DPYD: variants seen among roughly 807,000 people sequenced by gnomAD.
DPYD encodes the protein dihydropyrimidine dehydrogenase [NADP(+)].
In DPYD, 109 loss-of-function variants were observed where a neutral mutation model predicts 116.2. That is an observed-to-expected ratio of 0.94 (90% CI 0.80 to 1.10). DPYD has a LOEUF of 1.10. Ranked by LOEUF, DPYD falls within the 50% of genes least tolerant of loss-of-function variation. The pLI is 0.00. For missense variants in DPYD, 1,302 were observed against 1,254.5 expected (o/e 1.04, Z -0.57); for synonymous variants, 440 against 432.0 (o/e 1.02, Z -0.23).
chr1:97,915,595 A>G (rs1436234613), intron 1 of DPYD, among the ~76,000 whole-genome samples: 1 of 152,236 alleles, frequency 6.6e-6, no homozygotes, highest in African/African-American at 2.4e-5. Context: ...ATGGAGGATT[A>G]TGAGCAAATG....
At chr1:97,360,940 GAA>G (rs2101419033) in intron 16 of DPYD, among the ~76,000 whole-genome samples, 1 of 152,196 alleles carries the variant, frequency 6.6e-6, no homozygotes, top group South Asian at 2.1e-4. Flanking sequence ...CAGAAGGCAA[GAA>G]ATAACTAAGA....
At chr1:97,143,885 C>T (rs186293220) in intron 20 of DPYD, among the ~76,000 whole-genome samples, 1,766 of 152,232 alleles carry the variant, frequency 0.012, 29 homozygotes, top group Non-Finnish European at 0.016. Flanking sequence ...ACATTTGTAA[C>T]GGCTGCTTTT....
chr1:97,344,281 A>G (rs1447055548), intron 16 of DPYD, among the ~76,000 whole-genome samples: 5 of 151,912 alleles, frequency 3.3e-5, no homozygotes, highest in Non-Finnish European at 7.4e-5. Context: ...CCAAATAAAT[A>G]TGGTTTATTT....
chr1:97,139,456 T>TTAGA (rs1654050984), intron 20 of DPYD, among the ~76,000 whole-genome samples: 1 of 152,062 alleles, frequency 6.6e-6, no homozygotes, highest in South Asian at 2.1e-4. Flanking sequence ...ACTCATAAGT[T>TTAGA]TAGATATGCA....
At chr1:97,852,532 A>G (rs1670626624) in intron 2 of DPYD, among the ~76,000 whole-genome samples, 1 of 152,180 alleles carries the variant, frequency 6.6e-6, no homozygotes, top group African/African-American at 2.4e-5. Context: ...TGTATTAATG[A>G]TGATGTTATC....
At chr1:97,136,343 C>T (rs1046529576) in intron 20 of DPYD, among the ~76,000 whole-genome samples, 1 of 152,132 alleles carries the variant, frequency 6.6e-6, no homozygotes, top group Non-Finnish European at 1.5e-5. Flanking sequence ...CGCAATCACC[C>T]TATGAGGTCA....
At chr1:97,323,752 AAAACAAATCCAC>A (rs1162866180) in intron 16 of DPYD, among the ~76,000 whole-genome samples, 4 of 149,400 alleles carry the variant, frequency 2.7e-5, no homozygotes, top group Non-Finnish European at 5.9e-5. Flanking sequence ...AATATATTTA[AAAACAAATCCAC>A]AGAGAACAAC....
At chr1:97,747,090 T>C (rs536911449) in intron 3 of DPYD, among the ~76,000 whole-genome samples, 1 of 152,212 alleles carries the variant, frequency 6.6e-6, no homozygotes, top group Non-Finnish European at 1.5e-5. Flanking sequence ...CATAAGATCA[T>C]GGTTTATAAA....
chr1:97,422,342 T>C (rs948701627), intron 14 of DPYD, among the ~76,000 whole-genome samples: 1 of 152,056 alleles, frequency 6.6e-6, no homozygotes, highest in Non-Finnish European at 1.5e-5. Context: ...CAAGGGACCA[T>C]GGAAATGACT....
chr1:97,086,756 A>T (rs201726362), intron 21 of DPYD, among the ~76,000 whole-genome samples: 4 of 20 alleles, frequency 0.2, no homozygotes, highest in African/African-American at 0.29. Context: ...ATTGTAAAAT[A>T]AAAAAAAAAT....
intron 13 of DPYD, among the ~76,000 whole-genome samples, chr1:97,510,221 C>T (rs1647678787): frequency 6.6e-6 from 1 of 151,910 alleles, no homozygotes; most frequent in South Asian, 2.1e-4. Flanking sequence ...GACATCCTTA[C>T]CAAGGAGCAT....
rs761789518 is a variant in DPYD, at chr1:97,450,261, A to C, written c.1741-38T>G. On this transcript the variant is annotated intron_variant, in intron 13 of 22. Coordinates refer to ENST00000370192, the MANE Select transcript of DPYD (RefSeq NM_000110.4). Reference sequence around the variant, plus strand: ...TAAAGATATTGAGTCTCCTTTTGACAAAGAAAAGCTATAATCTTTATTATC... The same window carrying C: ...TAAAGATATTGAGTCTCCTTTTGACCAAGAAAAGCTATAATCTTTATTATC... 4 of 1,608,784 alleles carry C rather than the reference A, an allele frequency of 2.5e-6. No individual in the cohort carries two copies. The East Asian group carries it at 8.9e-5, about 36-fold the overall frequency.
chr1:97,634,478 GAAGAA>G (rs1194381965), intron 8 of DPYD, among the ~76,000 whole-genome samples: 1 of 152,030 alleles, frequency 6.6e-6, no homozygotes, highest in East Asian at 1.9e-4. Context: ...CAACAGATTT[GAAGAA>G]AATAACTAAT....
intron 2 of DPYD, among the ~76,000 whole-genome samples, chr1:97,863,857 C>T (rs142517658): frequency 3.5e-4 from 53 of 151,998 alleles, no homozygotes; most frequent in African/African-American, 1.2e-3. Context: ...CTTAATAAAG[C>T]ATGAAGGTGA....
intron 19 of DPYD, among the ~76,000 whole-genome samples, chr1:97,211,511 T>C (rs1331769812): frequency 6.6e-6 from 1 of 152,188 alleles, no homozygotes; most frequent in African/African-American, 2.4e-5. Flanking sequence ...CACTGTTTGA[T>C]AATATGAACC....
At chr1:97,562,285 T>C (rs1335107418) in intron 11 of DPYD, among the ~76,000 whole-genome samples, 7 of 152,314 alleles carry the variant, frequency 4.6e-5, no homozygotes, top group South Asian at 2.1e-4. Context: ...TAAAGTTCAT[T>C]TGGCATCAGT....
chr1:97,171,217 A>G (rs1656702261), intron 20 of DPYD, among the ~76,000 whole-genome samples: 1 of 152,180 alleles, frequency 6.6e-6, no homozygotes, highest in Admixed American at 6.5e-5. Flanking sequence ...CACGATGGCA[A>G]TGTGGCTTGA....
chr1:97,699,904 T>C (rs1455963864), intron 5 of DPYD, among the ~76,000 whole-genome samples: 2 of 152,068 alleles, frequency 1.3e-5, no homozygotes, highest in Non-Finnish European at 2.9e-5. Flanking sequence ...AGAATGAATG[T>C]TAGTTCCCTG....
At position 97,193,065 on chromosome 1, in the gene DPYD, A is replaced by C. The variant is rs1436450723; in HGVS notation, c.2622+4T>G. The C allele has an allele frequency of 2.5e-6, 4 of 1,613,870 alleles. No homozygotes were observed. The stretch of plus-strand genomic sequence containing the variant: ...AGAATAACACAGGAGATTTAAGCAC[A>C]TACCTTGTCCATGAGTTCAGCTATA... On this transcript the variant is annotated splice_donor_region_variant and intron_variant, in intron 20 of 22. Transcript: ENST00000370192.
Sources: gnomAD v4.1 joint callset for allele counts (sites outside exome capture counted in the v4.1 genomes callset) on GRCh38, gnomAD v4.1.1 for gene constraint, MANE v1.5 for transcripts, NCBI Gene and HGNC (gene_info 2026-07-23, HGNC 2026-07-21) for gene names.